ZNF423: variants seen among roughly 807,000 people sequenced by gnomAD.
ZNF423 encodes the protein zinc finger protein 423.
Under a neutral mutation model 95.8 loss-of-function variants are expected in ZNF423, and 12 were observed. The ratio of observed to expected loss-of-function variants is 0.13; its 90% confidence interval spans 0.08 to 0.20. The LOEUF is 0.20. Among genes scored for constraint, ZNF423 ranks in the 10% least tolerant of loss-of-function variants. The pLI, the probability that ZNF423 is intolerant of heterozygous loss-of-function variation, is 1.00. For synonymous variants in ZNF423, 749 were observed against 711.9 expected (o/e 1.05, Z -0.83); for missense variants, 1,316 against 1,737.1 (o/e 0.76, Z 4.31).
At chr16:49,569,323 C>G (rs914956953) in intron 5 of ZNF423, among the ~76,000 whole-genome samples, 1 of 152,210 alleles carries the variant, frequency 6.6e-6, no homozygotes, top group East Asian at 1.9e-4. Flanking sequence ...GGTCAACATA[C>G]GAATCCTCCA....
chr16:49,685,099 C>T (rs971588151), intron 3 of ZNF423, among the ~76,000 whole-genome samples: 5 of 152,152 alleles, frequency 3.3e-5, no homozygotes, highest in Non-Finnish European at 5.9e-5. Flanking sequence ...AGCGGGCATC[C>T]GGCAGCCCAG....
chr16:49,664,189 CGAGGGCTGGAGAGG>C, intron 3 of ZNF423: 1 of 985,448 alleles, frequency 1.0e-6, no homozygotes, highest in African/African-American at 1.7e-5. Context: ...GCAGGGCAGG[CGAGGGCTGGAGAGG>C]CGCTTCCCAC....
At chr16:49,700,263 A>C (rs1280904937) in intron 3 of ZNF423, among the ~76,000 whole-genome samples, 1 of 151,942 alleles carries the variant, frequency 6.6e-6, no homozygotes, top group African/African-American at 2.4e-5. Flanking sequence ...AGCAGAATGC[A>C]CTCCAACCCC....
chr16:49,592,674 C>T (rs574474715), intron 5 of ZNF423, among the ~76,000 whole-genome samples: 2 of 152,350 alleles, frequency 1.3e-5, no homozygotes, highest in East Asian at 1.9e-4. Context: ...GAGTCAGCCA[C>T]GTGCAACCAG....
chr16:49,565,376 C>T (rs536920311), intron 5 of ZNF423, among the ~76,000 whole-genome samples: 1 of 152,200 alleles, frequency 6.6e-6, no homozygotes, highest in Admixed American at 6.5e-5. Flanking sequence ...TTTCACTCTC[C>T]TGACCCAACT....
intron 5 of ZNF423, among the ~76,000 whole-genome samples, chr16:49,590,819 G>A (rs1970991101): frequency 6.6e-6 from 1 of 152,196 alleles, no homozygotes; most frequent in South Asian, 2.1e-4. Context: ...CACAACCTGG[G>A]CTCCAGCCGG....
intron 5 of ZNF423, among the ~76,000 whole-genome samples, chr16:49,596,235 A>C (rs1971174879): frequency 6.6e-6 from 1 of 152,234 alleles, no homozygotes; most frequent in South Asian, 2.1e-4. Context: ...GGCAAGTTTT[A>C]AAGGGAAAGT....
intron 7 of ZNF423, chr16:49,518,513 C>T (rs1337181318): frequency 3.6e-5 from 16 of 441,086 alleles, no homozygotes; most frequent in Non-Finnish European, 5.8e-5. Flanking sequence ...AAAGCAATAT[C>T]TAGTCTTATT....
At chr16:49,678,543 C>T (rs2031219772) in intron 3 of ZNF423, among the ~76,000 whole-genome samples, 1 of 152,086 alleles carries the variant, frequency 6.6e-6, no homozygotes, top group Admixed American at 6.5e-5. Context: ...GAACTGGAAT[C>T]GAATAAAAAA....
chr16:49,616,759 A>G (rs888633982), intron 5 of ZNF423, among the ~76,000 whole-genome samples: 3 of 152,172 alleles, frequency 2.0e-5, no homozygotes, highest in Admixed American at 1.3e-4. Flanking sequence ...AGAGGGGGCC[A>G]TTCTTCTTGC....
chr16:49,628,868 T>G (rs569787104), intron 4 of ZNF423, among the ~76,000 whole-genome samples: 13 of 152,298 alleles, frequency 8.5e-5, no homozygotes, highest in Admixed American at 8.5e-4. Flanking sequence ...TCCCAGATGG[T>G]TCTGAAACAC....
intron 1 of ZNF423, among the ~76,000 whole-genome samples, chr16:49,813,761 C>T (rs567116594): frequency 6.6e-6 from 1 of 152,236 alleles, no homozygotes; most frequent in Non-Finnish European, 1.5e-5. Flanking sequence ...CACCACTGAA[C>T]CCTGCTGGAC....
At chr16:49,622,464 C>T (rs555677327) in intron 5 of ZNF423, among the ~76,000 whole-genome samples, 25 of 152,202 alleles carry the variant, frequency 1.6e-4, no homozygotes, top group Non-Finnish European at 7.4e-5. Flanking sequence ...TGGCTCATCA[C>T]CCTCGCAGCC....
chr16:49,774,105 T>C (rs972184145), intron 2 of ZNF423, among the ~76,000 whole-genome samples: 1 of 152,254 alleles, frequency 6.6e-6, no homozygotes, highest in African/African-American at 2.4e-5. Flanking sequence ...GGGTGAGTCC[T>C]ACGCAGCTCT....
chr16:49,598,029 A>T (rs548646181), intron 5 of ZNF423, among the ~76,000 whole-genome samples: 1 of 152,138 alleles, frequency 6.6e-6, no homozygotes, highest in East Asian at 1.9e-4. Context: ...CCTGCCCACA[A>T]TGCAGAACAG....
At chr16:49,768,944 C>T (rs1339591454) in intron 2 of ZNF423, among the ~76,000 whole-genome samples, 1 of 152,178 alleles carries the variant, frequency 6.6e-6, no homozygotes, top group African/African-American at 2.4e-5. Flanking sequence ...CTCCTAGCAC[C>T]CTGCATCTCA....
chr16:49,527,833 G>A (rs932622927), intron 5 of ZNF423, among the ~76,000 whole-genome samples: 2 of 151,968 alleles, frequency 1.3e-5, no homozygotes, highest in African/African-American at 4.8e-5. Context: ...GTACACCACC[G>A]CCAGGCAGCC....
At chr16:49,731,853 C>T (rs1427728150) in intron 2 of ZNF423, among the ~76,000 whole-genome samples, 1 of 151,970 alleles carries the variant, frequency 6.6e-6, no homozygotes, top group East Asian at 1.9e-4. Context: ...TGGTACAGGC[C>T]TAGACAGTTA....
chr16:49,538,831 A>G lies in ZNF423; in HGVS notation c.3602-13337T>C, dbSNP rs534376051. Among the ~76,000 whole-genome samples, 8 of 152,378 alleles carry G rather than the reference A, an allele frequency of 5.3e-5. No individual in the cohort carries two copies. The South Asian group carries it at 1.0e-3, about 20-fold the overall frequency. ...CGTTGCACCCAAGTTATTCATAGCTATGTGAAATAAAAAGGTAGCTTTCAA... is the reference window on the plus strand; with the variant it reads ...CGTTGCACCCAAGTTATTCATAGCTGTGTGAAATAAAAAGGTAGCTTTCAA... On this transcript the variant is annotated intron_variant, in intron 5 of 7. Coordinates refer to ENST00000563137, the MANE Select transcript of ZNF423 (RefSeq NM_001379286.1).
Sources: allele counts gnomAD v4.1 joint callset (sites outside exome capture counted in the v4.1 genomes callset), GRCh38; gene constraint gnomAD v4.1.1; transcripts MANE v1.5; gene names NCBI Gene and HGNC (gene_info 2026-07-23, HGNC 2026-07-21).